NFYC: variants seen among roughly 807,000 people sequenced by gnomAD.
NFYC encodes the protein CAAT box DNA-binding protein subunit C.
In NFYC, 25 loss-of-function variants were observed where a neutral mutation model predicts 53.1. The observed-to-expected ratio is 0.47, with a 90% CI of 0.34 to 0.66. NFYC has a LOEUF of 0.66. Among genes scored for constraint, NFYC ranks in the 30% least tolerant of loss-of-function variants. The pLI is 0.01. For synonymous variants in NFYC, 145 were observed against 152.6 expected (o/e 0.95, Z 0.37); for missense variants, 260 against 422.7 (o/e 0.62, Z 3.38).
At chr1:40,754,974 G>C (rs1383703416) in intron 5 of NFYC, among the ~76,000 whole-genome samples, 1 of 152,146 alleles carries the variant, frequency 6.6e-6, no homozygotes, top group Non-Finnish European at 1.5e-5. Context: ...GCTGCTGCCT[G>C]GCCTTTGAAA....
chr1:40,708,323 A>G (rs922117514), intron 1 of NFYC, among the ~76,000 whole-genome samples: 1 of 152,194 alleles, frequency 6.6e-6, no homozygotes, highest in African/African-American at 2.4e-5. Flanking sequence ...CCATCTCTTA[A>G]AAACAAGTAT....
chr1:40,742,674 C>G (rs1172426042), intron 2 of NFYC, among the ~76,000 whole-genome samples: 7 of 152,210 alleles, frequency 4.6e-5, no homozygotes, highest in Non-Finnish European at 1.0e-4. Flanking sequence ...AGAACAATGT[C>G]TGGCATGTAG....
chr1:40,755,047 T>C (rs1245009978), intron 5 of NFYC, among the ~76,000 whole-genome samples: 1 of 152,216 alleles, frequency 6.6e-6, no homozygotes, highest in African/African-American at 2.4e-5. Context: ...TCTGTAGACA[T>C]GAAGTTTTCC....
intron 1 of NFYC, among the ~76,000 whole-genome samples, chr1:40,704,411 G>T (rs1643595244): frequency 1.3e-5 from 2 of 152,180 alleles, no homozygotes; most frequent in East Asian, 3.8e-4. Context: ...GCAGTTGTCT[G>T]GTGTAGAGGG....
At chr1:40,707,546 G>A (rs1643761792) in intron 1 of NFYC, among the ~76,000 whole-genome samples, 1 of 151,170 alleles carries the variant, frequency 6.6e-6, no homozygotes, top group Admixed American at 6.6e-5. Context: ...GCTCACGCCT[G>A]TAATCCCAGC....
Position 40,718,298 on chromosome 1 carries a change from G to A in NFYC, c.-8-20538G>A, listed in dbSNP as rs147521507. Among the ~76,000 whole-genome samples, 82 of 152,310 alleles carry A rather than the reference G, an allele frequency of 5.4e-4. 1 individual carries two copies. Among genetic ancestry groups the A allele is most frequent in the African/African-American group, 1.9e-3 (78 of 41,568 alleles). ...GATTATCATCCCCCATTTTGAGGGTGAGAAAATAGAAGGCAGAGCCTAGTG... is the reference window on the plus strand; with the variant it reads ...GATTATCATCCCCCATTTTGAGGGTAAGAAAATAGAAGGCAGAGCCTAGTG... On this transcript the variant is annotated intron_variant, in intron 1 of 9. Coordinates refer to ENST00000447388, the MANE Select transcript of NFYC (RefSeq NM_014223.5).
At chr1:40,740,316 T>C (rs1645272324) in intron 2 of NFYC, among the ~76,000 whole-genome samples, 1 of 152,222 alleles carries the variant, frequency 6.6e-6, no homozygotes, top group Admixed American at 6.5e-5. Flanking sequence ...AAGGCTATGC[T>C]AGATACTGTG....
rs899617653 is a variant in NFYC at position 40,764,415 on chromosome 1, C to T, written c.720+1369C>T. Among the ~76,000 whole-genome samples, 38 of 152,324 alleles carry T rather than the reference C, an allele frequency of 2.5e-4. 1 individual carries two copies. The highest frequency in any genetic ancestry group is 8.7e-4 in the African/African-American group (36 of 41,566). ...TCTCTACCTCTCTCACGTGTGCTTA[C>T]GATACCCAGGATTGCAGATGACTGA... On this transcript the variant is annotated intron_variant, in intron 7 of 9. Coordinates refer to ENST00000447388, the MANE Select transcript of NFYC (RefSeq NM_014223.5).
In NFYC at chr1:40,734,139, C is replaced by T. The variant is rs780978931; in HGVS notation, c.-8-4697C>T. ...GAAGTGATTCTCCTGTCTCAGCCTC[C>T]GGAGTTGTTGGGATTACAGACATAA... On this transcript the variant is annotated intron_variant, in intron 1 of 9. Transcript: ENST00000447388. 1.2e-4 allele frequency among the ~76,000 whole-genome samples: 18 copies of T among 152,070 alleles called. 1 individual carries two copies. Among genetic ancestry groups the T allele is most frequent in the Non-Finnish European group, 2.1e-4 (14 of 68,010 alleles).
At chr1:40,766,509 C>A in intron 7 of NFYC, 87 bp from the exon 8 acceptor site, 2 of 955,072 alleles carry the variant, frequency 2.1e-6, no homozygotes, top group South Asian at 1.6e-5. Context: ...GGGTAGGGGG[C>A]AATCAACATC....
At chr1:40,694,913 A>G (rs1346769044) in intron 1 of NFYC, among the ~76,000 whole-genome samples, 1 of 152,210 alleles carries the variant, frequency 6.6e-6, no homozygotes, top group Non-Finnish European at 1.5e-5. Context: ...AATTCTTATG[A>G]CAAATCTGTT....
At chr1:40,759,748 GGGT>G (rs1646442694) in intron 6 of NFYC, among the ~76,000 whole-genome samples, 1 of 152,066 alleles carries the variant, frequency 6.6e-6, no homozygotes, top group Non-Finnish European at 1.5e-5. Flanking sequence ...AAGTGGGAAA[GGGT>G]GGTATTGCCA....
At chr1:40,701,864 G>A (rs911376143) in intron 1 of NFYC, among the ~76,000 whole-genome samples, 2 of 152,196 alleles carry the variant, frequency 1.3e-5, no homozygotes, top group African/African-American at 4.8e-5. Context: ...TGGCCTCGAT[G>A]GAGTTGAATA....
intron 1 of NFYC, among the ~76,000 whole-genome samples, chr1:40,738,532 T>A (rs1406694553): frequency 6.6e-6 from 1 of 152,248 alleles, no homozygotes; most frequent in Non-Finnish European, 1.5e-5. Context: ...CACACCCATA[T>A]AAGAAGTTAA....
chr1:40,708,095 C>G (rs955542247), intron 1 of NFYC, among the ~76,000 whole-genome samples: 1 of 152,102 alleles, frequency 6.6e-6, no homozygotes, highest in African/African-American at 2.4e-5. Flanking sequence ...TACAGTATAA[C>G]AACTACATAT....
chr1:40,759,577 A>ATG (rs1213582379), intron 6 of NFYC, among the ~76,000 whole-genome samples: 1 of 84,958 alleles, frequency 1.2e-5, no homozygotes, highest in East Asian at 4.4e-4. Flanking sequence ...GTGTGTGTGT[A>ATG]TGTGTGTGTG....
At chr1:40,752,197 A>G (rs1254921710) in intron 4 of NFYC, among the ~76,000 whole-genome samples, 1 of 152,234 alleles carries the variant, frequency 6.6e-6, no homozygotes, top group Non-Finnish European at 1.5e-5. Context: ...TAAACATTTT[A>G]CTATGCTTAT....
intron 8 of NFYC, 141 bp downstream of exon 8, chr1:40,766,844 C>A: frequency 1.3e-6 from 2 of 1,502,748 alleles, no homozygotes; most frequent in Non-Finnish European, 9.1e-7. Flanking sequence ...CCATATCCTT[C>A]TGCACCCAAG....
At chr1:40,731,083 A>G (rs569774066) in intron 1 of NFYC, among the ~76,000 whole-genome samples, 120 of 152,204 alleles carry the variant, frequency 7.9e-4, no homozygotes, top group Admixed American at 2.2e-3. Flanking sequence ...CCTGTGATTG[A>G]GTTGTCCAGG....
Sources: gnomAD v4.1 joint callset for allele counts (sites outside exome capture counted in the v4.1 genomes callset) on GRCh38, gnomAD v4.1.1 for gene constraint, MANE v1.5 for transcripts, NCBI Gene and HGNC (gene_info 2026-07-23, HGNC 2026-07-21) for gene names.